Variants in C9orf85 observed in about 807,000 individuals in gnomAD.
C9orf85 encodes the protein chromosome 9 open reading frame 85.
In C9orf85, 16 loss-of-function variants were observed where a neutral mutation model predicts 14.9. That is an observed-to-expected ratio of 1.08 (90% confidence interval 0.73 to 1.63). C9orf85 has a LOEUF of 1.63. Ranked by LOEUF, C9orf85 falls within the 40% of genes most tolerant of loss-of-function variation. The pLI, the probability that C9orf85 is intolerant of heterozygous loss-of-function variation, is 0.00. For synonymous variants in C9orf85, 45 were observed against 56.8 expected (o/e 0.79, Z 0.93); for missense variants, 172 against 186.1 (o/e 0.92, Z 0.44).
chr9:71,964,346 C>T (rs1426914922), intron 2 of C9orf85, among the ~76,000 whole-genome samples: 1 of 152,048 alleles, frequency 6.6e-6, no homozygotes, highest in Non-Finnish European at 1.5e-5. Flanking sequence ...CTGGGGTCCC[C>T]TTCCACACTG....
chr9:71,942,755 T>G (rs2132298765), intron 1 of C9orf85, among the ~76,000 whole-genome samples: 1 of 152,136 alleles, frequency 6.6e-6, no homozygotes, highest in African/African-American at 2.4e-5. Flanking sequence ...ATACAAAAAT[T>G]AGTTAGGCAT....
chr9:71,971,812 A>T (rs11794907), intron 3 of C9orf85, among the ~76,000 whole-genome samples, 194 bp downstream of exon 3: 16,731 of 152,050 alleles, frequency 0.11, 1,067 homozygotes, highest in Middle Eastern at 0.15. Flanking sequence ...TCTCTACTAA[A>T]AATACAAAAA....
chr9:71,959,904 G>A (rs1057199435), intron 2 of C9orf85, among the ~76,000 whole-genome samples: 3 of 152,188 alleles, frequency 2.0e-5, no homozygotes, highest in Non-Finnish European at 2.9e-5. Flanking sequence ...AGGAAACTGC[G>A]TTCAATTTGC....
chr9:71,973,103 CCATTA>C lies in C9orf85; in HGVS notation c.*264_*268del, dbSNP rs1190186291. On this transcript the variant is annotated 3_prime_UTR_variant, in exon 4 of 4. Transcript: ENST00000334731. The stretch of plus-strand genomic sequence containing the variant: ...GAGATTGAAGTGAGCTGAGTTCGTG[CCATTA>C]CACTCCAGCCTGGGTGACAGAGTGA... The C allele has an allele frequency of 5.6e-6, 1 of 178,630 alleles. No individual in the cohort carries two copies. Among genetic ancestry groups the C allele is most frequent in the Non-Finnish European group, 1.2e-5 (1 of 84,914 alleles). The allele number at this position is 178,630 out of a possible 1,614,324, so 11.1% of individuals were successfully genotyped here.
At chr9:71,957,828 A>C (rs1822418461) in intron 2 of C9orf85, among the ~76,000 whole-genome samples, 1 of 152,160 alleles carries the variant, frequency 6.6e-6, no homozygotes, top group Non-Finnish European at 1.5e-5. Context: ...ATGATACAGC[A>C]TCACTTCCAC....
At chr9:71,932,398 C>T (rs1004478288) in intron 1 of C9orf85, among the ~76,000 whole-genome samples, 9 of 152,138 alleles carry the variant, frequency 5.9e-5, no homozygotes, top group African/African-American at 2.2e-4. Flanking sequence ...ACAGAAACTC[C>T]TGAGTTATAA....
downstream of C9orf85, among the ~76,000 whole-genome samples, chr9:71,977,918 A>G (rs987299128): frequency 1.3e-5 from 2 of 152,178 alleles, no homozygotes; most frequent in African/African-American, 4.8e-5. Context: ...ACTGAAAAAA[A>G]TCATACCTTT....
intron 1 of C9orf85, among the ~76,000 whole-genome samples, chr9:71,920,922 C>T (rs1197300681): frequency 6.6e-6 from 1 of 152,048 alleles, no homozygotes; most frequent in Non-Finnish European, 1.5e-5. Flanking sequence ...CTCAAAGAAA[C>T]TTAGAAAATT....
chr9:71,933,790 C>G (rs1006233148), intron 1 of C9orf85, among the ~76,000 whole-genome samples: 9 of 152,190 alleles, frequency 5.9e-5, no homozygotes, highest in Non-Finnish European at 1.2e-4. Flanking sequence ...GAACTAAACT[C>G]TAACTGCTAT....
chr9:71,914,255 G>C (rs914986743), intron 1 of C9orf85, among the ~76,000 whole-genome samples: 4 of 152,068 alleles, frequency 2.6e-5, no homozygotes, highest in Admixed American at 6.5e-5. Flanking sequence ...CCAACACATG[G>C]TGCAGGGCGT....
intron 2 of C9orf85, among the ~76,000 whole-genome samples, chr9:71,949,238 A>C (rs138432003): frequency 6.6e-6 from 1 of 152,374 alleles, no homozygotes; most frequent in African/African-American, 2.4e-5. Context: ...GCATTTTAAT[A>C]GATTAGTGCT....
intron 2 of C9orf85, among the ~76,000 whole-genome samples, chr9:71,951,850 TTATAAA>T (rs1373546972): frequency 6.6e-6 from 1 of 151,956 alleles, no homozygotes; most frequent in Non-Finnish European, 1.5e-5. Flanking sequence ...ACAAGAGATC[TTATAAA>T]TATAAAACAA....
At chr9:71,915,591 G>T (rs1827627922) in intron 1 of C9orf85, among the ~76,000 whole-genome samples, 1 of 152,128 alleles carries the variant, frequency 6.6e-6, no homozygotes, top group Non-Finnish European at 1.5e-5. Flanking sequence ...GAAAAGAAAT[G>T]CATGCTTGTT....
chr9:71,939,575 A>T (rs977576476), intron 1 of C9orf85, among the ~76,000 whole-genome samples: 1 of 152,212 alleles, frequency 6.6e-6, no homozygotes, highest in Non-Finnish European at 1.5e-5. Context: ...AATCAAAATC[A>T]TAGCAGGGTT....
chr9:71,975,333 C>CT (rs1564103245), downstream of C9orf85, among the ~76,000 whole-genome samples: 1 of 150,698 alleles, frequency 6.6e-6, no homozygotes, highest in Non-Finnish European at 1.5e-5. Context: ...CCCAGCTACT[C>CT]CGGAGGCTGA....
In C9orf85 at chr9:71,934,897, A is replaced by G. The variant is rs1458325980; in HGVS notation, c.103-12109A>G. Among the ~76,000 whole-genome samples, 3 of 152,330 alleles carry G rather than the reference A, an allele frequency of 2.0e-5. No homozygotes were observed. The East Asian group carries it at 5.8e-4, about 29-fold the overall frequency. ...AAAAAAATATATATATGCAGAATAT[A>G]TAATACTATAACTATTACTCAACAA... On this transcript the variant is annotated intron_variant, in intron 1 of 3. Transcript: ENST00000334731.
Position 71,971,488 on chromosome 9 carries a change from TTTA to T in C9orf85, c.210-14_210-12del. The T allele has an allele frequency of 1.4e-6, 2 of 1,388,384 alleles. No homozygotes were observed. The highest frequency in any genetic ancestry group is 2.0e-6 in the Non-Finnish European group (2 of 998,162). 86.0% of individuals were successfully genotyped at this position (1,388,384 alleles called of 1,614,324 possible). On this transcript the variant is annotated splice_polypyrimidine_tract_variant and intron_variant, in intron 2 of 3. Coordinates refer to ENST00000334731, the MANE Select transcript of C9orf85 (RefSeq NM_182505.5). ...GAAATAAACATAAATAAGTTAACAT[TTTA>T]TTTTTTATTTTAGTGTTAAATGTTT...
At chr9:71,942,248 G>T (rs1389585850) in intron 1 of C9orf85, among the ~76,000 whole-genome samples, 1 of 152,194 alleles carries the variant, frequency 6.6e-6, no homozygotes, top group Non-Finnish European at 1.5e-5. Flanking sequence ...GCTTTGTGTT[G>T]TAAGGACATT....
intron 1 of C9orf85, among the ~76,000 whole-genome samples, chr9:71,930,582 C>T (rs1471509233): frequency 1.3e-5 from 2 of 151,170 alleles, no homozygotes; most frequent in Admixed American, 6.6e-5. Flanking sequence ...ATTGCTTGAG[C>T]CCCAGGGGTT....
Sources: allele counts gnomAD v4.1 joint callset (sites outside exome capture counted in the v4.1 genomes callset), GRCh38; gene constraint gnomAD v4.1.1; transcripts MANE v1.5; gene names NCBI Gene and HGNC (gene_info 2026-07-23, HGNC 2026-07-21).